RFC5: variants seen among roughly 807,000 people sequenced by gnomAD.
The protein encoded by RFC5 is A1 36 kDa subunit.
In RFC5, 26 loss-of-function variants were observed where a neutral mutation model predicts 44.3. The observed-to-expected ratio is 0.59, with a 90% CI of 0.43 to 0.81. The LOEUF (loss-of-function observed/expected upper bound fraction) is 0.81, where lower values mean the gene tolerates loss of function less well. Ranked by LOEUF, RFC5 falls within the 40% of genes least tolerant of loss-of-function variation. The pLI is 0.00. For synonymous variants in RFC5, 155 were observed against 155.2 expected (o/e 1.00, Z 0.01); for missense variants, 328 against 418.6 (o/e 0.78, Z 1.89).
At position 118,016,756 on chromosome 12, in the gene RFC5, C is replaced by CG; in HGVS notation, c.-70dup. ...GTGCCAGGGTCTCAGGGTCAGGTCG[C>CG]GGCTGGTCACTGTGCAGGCGCTTGG... On this transcript the variant is annotated 5_prime_UTR_variant, in exon 1 of 11. Transcript: ENST00000454402. 4 of 1,307,056 alleles carry CG rather than the reference C, an allele frequency of 3.1e-6. No individual in the cohort carries two copies. The highest frequency in any genetic ancestry group is 4.3e-6 in the Non-Finnish European group (4 of 923,276). The allele number at this position is 1,307,056 out of a possible 1,614,324, so 81.0% of individuals were successfully genotyped here. A position where few individuals can be genotyped will look rare whatever the true frequency, so the allele number is the denominator to read the frequency against.
At chr12:118,022,465 G>A (rs1177373476) in intron 5 of RFC5, 106 bp downstream of exon 5, 6 of 788,560 alleles carry the variant, frequency 7.6e-6, no homozygotes, top group Admixed American at 2.6e-5. Context: ...GCGGGGGGGA[G>A]TTTTTTTTTC....
intron 5 of RFC5, among the ~76,000 whole-genome samples, chr12:118,023,689 C>T (rs2030710950): frequency 6.6e-6 from 1 of 152,098 alleles, no homozygotes; most frequent in South Asian, 2.1e-4. Context: ...TTATTGCTCC[C>T]TTGAGTGCTC....
chr12:118,031,149 C>G (rs1213487386), intron 10 of RFC5, 33 bp from the exon 11 acceptor site: 1 of 1,521,012 alleles, frequency 6.6e-7, no homozygotes, highest in Non-Finnish European at 9.1e-7. Flanking sequence ...TGTTTGGTGT[C>G]TTTTTTCTTA....
At chr12:118,032,724 G>A (rs947132491), downstream of RFC5, 8 of 152,152 alleles carry the variant, frequency 5.3e-5, no homozygotes, top group African/African-American at 1.9e-4. Flanking sequence ...TTTAAATAAA[G>A]ATTGGGTCTT....
intron 7 of RFC5, among the ~76,000 whole-genome samples, chr12:118,026,123 A>G (rs1385654142): frequency 3.3e-5 from 5 of 151,776 alleles, no homozygotes; most frequent in Admixed American, 6.6e-5. Flanking sequence ...GATTACAGGC[A>G]TGAGCCACCA....
intron 1 of RFC5, chr12:118,018,077 G>T: frequency 1.4e-6 from 1 of 693,758 alleles, no homozygotes; most frequent in Non-Finnish European, 2.6e-6. Flanking sequence ...TACACTATGT[G>T]GCCTTTTGTG....
Position 118,027,126 on chromosome 12 carries a change from C to G in RFC5, c.793+108C>G, listed in dbSNP as rs747164534. On this transcript the variant is annotated intron_variant, in intron 8 of 10. Coordinates refer to ENST00000454402, the MANE Select transcript of RFC5 (RefSeq NM_007370.7). ...CTGGCAAAGGATGACTGGCTGCAGG[C>G]GACTCTGGTCAGCTTGTTGTGGGAG... is the stretch of plus-strand genomic sequence containing the variant. 450 of 1,126,898 alleles carry G rather than the reference C, an allele frequency of 4.0e-4. 2 individuals are homozygous for G. The highest frequency in any genetic ancestry group is 4.4e-4 in the Non-Finnish European group (345 of 777,310). 69.8% of individuals were successfully genotyped at this position (1,126,898 alleles called of 1,614,324 possible). A position where few individuals can be genotyped will look rare whatever the true frequency, so the allele number is the denominator to read the frequency against.
chr12:118,038,321 G>A, the RFC5 span: 4 of 1,614,152 alleles, frequency 2.5e-6, no homozygotes, highest in South Asian at 3.3e-5. Context: ...ACAGCATGCT[G>A]CAGTCTGGGG....
downstream of RFC5, chr12:118,034,593 C>CTT (rs57272444): frequency 3.7e-6 from 2 of 541,740 alleles, no homozygotes; most frequent in East Asian, 6.0e-5. Context: ...GTCTCTCTCT[C>CTT]GGCACAGCCC....
chr12:118,019,120 G>A lies in RFC5; in HGVS notation c.114G>A (p.Gln38=), dbSNP rs2137690108. The A allele has an allele frequency of 1.2e-6, 2 of 1,612,796 alleles. No homozygotes were observed. The highest frequency in any genetic ancestry group is 2.2e-5 in the East Asian group (1 of 44,870). Residue 38 remains glutamine (Q), a synonymous_variant, in exon 2 of 11, where the codon CAG becomes CAA. Transcript: ENST00000454402. The surrounding 1 kb of genome is among the most constrained non-coding windows in gnomAD (Gnocchi z 4.2). Reference sequence around the variant, plus strand: ...CCCTGAATGATCTCATTTCTCATCAGGACATTCTGAGTACCAGTAAGTATT... The same window carrying A: ...CCCTGAATGATCTCATTTCTCATCAAGACATTCTGAGTACCAGTAAGTATT... ...PQTLNDLISH[Q]DILSTIQKFI...
chr12:118,018,144 A>G (rs1385711720), intron 1 of RFC5: 1 of 617,336 alleles, frequency 1.6e-6, no homozygotes. Flanking sequence ...TGCTGCTTGT[A>G]TCAGTAGTTA....
chr12:118,036,837 C>A (rs75689617), downstream of RFC5, among the ~76,000 whole-genome samples: 6,031 of 152,232 alleles, frequency 0.04, 378 homozygotes, highest in African/African-American at 0.14. Flanking sequence ...ATAGGGTAGT[C>A]GTATGTGCTG....
rs2031309631 is a variant in RFC5 at position 118,031,292 on chromosome 12, C to T, written c.*14C>T. 1 of 1,546,120 alleles carries T rather than the reference C, an allele frequency of 6.5e-7. No homozygotes were observed. Among genetic ancestry groups the T allele is most frequent in the Non-Finnish European group, 8.9e-7 (1 of 1,118,962 alleles). ...GCAGAGGCCTAGATGCTCTGAGGGC[C>T]ATTCACAATTCTCAGGGCTCAGCAG... On this transcript the variant is annotated 3_prime_UTR_variant, in exon 11 of 11. Transcript: ENST00000454402.
intron 5 of RFC5, among the ~76,000 whole-genome samples, chr12:118,024,151 C>T (rs1399147081): frequency 1.3e-5 from 2 of 151,990 alleles, no homozygotes; most frequent in Non-Finnish European, 2.9e-5. Flanking sequence ...ACCATCCTGG[C>T]TAACATGGTG....
At chr12:118,036,571 G>A, downstream of RFC5, 1 of 1,509,436 alleles carries the variant, frequency 6.6e-7, no homozygotes, top group South Asian at 1.3e-5. Context: ...CTCAAACGGA[G>A]GGAGGGAAAG....
At chr12:118,033,124 A>G (rs2031406511), downstream of RFC5, 1 of 152,168 alleles carries the variant, frequency 6.6e-6, no homozygotes, top group African/African-American at 2.4e-5. Flanking sequence ...AAATTTTCCT[A>G]AGGCAGGTTT....
chr12:118,036,560 AC>A, downstream of RFC5: 1 of 1,541,104 alleles, frequency 6.5e-7, no homozygotes, highest in Non-Finnish European at 8.8e-7. Context: ...AGTGCTTAGG[AC>A]TCAAACGGAG....
chr12:118,027,847 A>T, intron 8 of RFC5, 106 bp from the exon 9 acceptor site: 2 of 722,122 alleles, frequency 2.8e-6, no homozygotes, highest in South Asian at 1.5e-5. Flanking sequence ...TTGTGTTGGG[A>T]TTAAAAGCCT....
chr12:118,024,570 C>T (rs142211757), intron 5 of RFC5, among the ~76,000 whole-genome samples: 1 of 152,126 alleles, frequency 6.6e-6, no homozygotes, highest in African/African-American at 2.4e-5. Flanking sequence ...GGATTACAGG[C>T]ATGTGCCACC....
Sources: gnomAD v4.1 joint callset for allele counts (sites outside exome capture counted in the v4.1 genomes callset) on GRCh38, gnomAD v4.1.1 for gene constraint, Gnocchi (gnomAD v3.1) non-coding constraint, MANE v1.5 for transcripts, NCBI Gene and HGNC (gene_info 2026-07-23, HGNC 2026-07-21) for gene names.